ANKH: variants seen among roughly 807,000 people sequenced by gnomAD.
ANKH encodes the protein mineralization regulator ANKH.
In ANKH, 15 loss-of-function variants were observed where a neutral mutation model predicts 49.0. The ratio of observed to expected loss-of-function variants is 0.31; its 90% CI spans 0.20 to 0.47. The LOEUF is 0.47. ANKH is among the 20% of genes least tolerant of loss of function. The pLI is 1.00. For missense variants in ANKH, 429 were observed against 652.0 expected (o/e 0.66, Z 3.72); for synonymous variants, 273 against 260.0 (o/e 1.05, Z -0.48).
chr5:14,767,856 A>G (rs1270649515), intron 2 of ANKH, among the ~76,000 whole-genome samples: 1 of 152,212 alleles, frequency 6.6e-6, no homozygotes, highest in Non-Finnish European at 1.5e-5. Context: ...TTTACTTCAA[A>G]TACAAGTACA....
chr5:14,766,154 G>A (rs1406980360), intron 2 of ANKH, among the ~76,000 whole-genome samples: 1 of 152,098 alleles, frequency 6.6e-6, no homozygotes, highest in Non-Finnish European at 1.5e-5. Flanking sequence ...CACTTTGGGA[G>A]GCTCAGGTAG....
chr5:14,717,301 T>G (rs796988117), intron 8 of ANKH, among the ~76,000 whole-genome samples: 6 of 152,186 alleles, frequency 3.9e-5, no homozygotes, highest in African/African-American at 1.4e-4. Context: ...AAAAGGGAAA[T>G]ATTAGTATTT....
chr5:14,832,648 G>A (rs371424608), intron 1 of ANKH, among the ~76,000 whole-genome samples: 3 of 152,246 alleles, frequency 2.0e-5, no homozygotes, highest in South Asian at 4.1e-4. Context: ...TTCCAAGAAC[G>A]GATAAATTAA....
intron 1 of ANKH, among the ~76,000 whole-genome samples, chr5:14,784,579 C>A (rs1433597469): frequency 6.6e-6 from 1 of 152,178 alleles, no homozygotes; most frequent in South Asian, 2.1e-4. Context: ...GTTTGGGGAA[C>A]TGTAGTGCCC....
intron 8 of ANKH, among the ~76,000 whole-genome samples, chr5:14,740,584 C>T (rs1015853562): frequency 9.2e-5 from 14 of 152,224 alleles, no homozygotes; most frequent in African/African-American, 3.1e-4. Flanking sequence ...GCTGAGGACA[C>T]GAGGTCATGA....
At chr5:14,858,606 C>T (rs1307528666) in intron 1 of ANKH, among the ~76,000 whole-genome samples, 1 of 152,014 alleles carries the variant, frequency 6.6e-6, no homozygotes, top group East Asian at 1.9e-4. Context: ...GTCCCAGCTA[C>T]TCGGGAGGCT....
At chr5:14,753,171 T>C (rs761153879) in intron 4 of ANKH, among the ~76,000 whole-genome samples, 16 of 152,074 alleles carry the variant, frequency 1.1e-4, no homozygotes, top group Non-Finnish European at 2.2e-4. Flanking sequence ...TGTAGGTTTG[T>C]TGGCTGGAAG....
chr5:14,810,758 TTC>T (rs1298521152), intron 1 of ANKH, among the ~76,000 whole-genome samples: 5 of 152,180 alleles, frequency 3.3e-5, no homozygotes, highest in African/African-American at 1.2e-4. Context: ...AGGATGAACT[TTC>T]TGTTTCTATG....
intron 2 of ANKH, among the ~76,000 whole-genome samples, chr5:14,765,272 A>C (rs1739223166): frequency 6.6e-6 from 1 of 152,240 alleles, no homozygotes; most frequent in Admixed American, 6.5e-5. Flanking sequence ...AAATACTCCC[A>C]AGGCTTGTGC....
chr5:14,856,266 A>G (rs192739959), intron 1 of ANKH, among the ~76,000 whole-genome samples: 1 of 152,206 alleles, frequency 6.6e-6, no homozygotes, highest in East Asian at 1.9e-4. Flanking sequence ...GAGAGAAAAC[A>G]TAAAAATAAA....
At chr5:14,841,879 AG>A (rs1367142739) in intron 1 of ANKH, among the ~76,000 whole-genome samples, 1 of 152,156 alleles carries the variant, frequency 6.6e-6, no homozygotes, top group Non-Finnish European at 1.5e-5. Context: ...GTAGTCTTGA[AG>A]GGTGGTCTAT....
intron 2 of ANKH, among the ~76,000 whole-genome samples, chr5:14,767,572 C>T (rs4701618): frequency 0.24 from 36,600 of 151,804 alleles, 4,781 homozygotes; most frequent in East Asian, 0.5. Flanking sequence ...CATTTTCTTC[C>T]CGACAATTGC....
At chr5:14,805,460 TAC>T (rs1561063720) in intron 1 of ANKH, among the ~76,000 whole-genome samples, 1 of 64,622 alleles carries the variant, frequency 1.5e-5, no homozygotes, top group Admixed American at 1.8e-4. Flanking sequence ...TATATATATG[TAC>T]ACACACATAT....
In ANKH at chr5:14,713,673, G is replaced by A; in HGVS notation, c.1142-6C>T. Reference sequence around the variant, plus strand: ...GAGATGCGCCCTCACTGTGACTGTTGGGAGGAGCAAAGGACTCGTCAGCCG... The same window carrying A: ...GAGATGCGCCCTCACTGTGACTGTTAGGAGGAGCAAAGGACTCGTCAGCCG... On this transcript the variant is annotated splice_polypyrimidine_tract_variant and splice_region_variant and intron_variant, in intron 9 of 11. Transcript: ENST00000284268. This position sits in a 1 kb window ranked among gnomAD's most constrained non-coding sequence, Gnocchi z 4.4. The A allele has an allele frequency of 6.2e-7, 1 of 1,613,796 alleles. No individual in the cohort carries two copies. Among genetic ancestry groups the A allele is most frequent in the Non-Finnish European group, 8.5e-7 (1 of 1,179,982 alleles).
intron 1 of ANKH, among the ~76,000 whole-genome samples, chr5:14,865,689 T>C (rs1735624609): frequency 6.6e-6 from 1 of 152,212 alleles, no homozygotes; most frequent in African/African-American, 2.4e-5. Flanking sequence ...ACTGCATCTG[T>C]CCTTTTTATT....
chr5:14,748,952 G>A (rs1738625500), intron 6 of ANKH, among the ~76,000 whole-genome samples: 1 of 152,234 alleles, frequency 6.6e-6, no homozygotes, highest in African/African-American at 2.4e-5. Flanking sequence ...CAAGAAGGAT[G>A]TACGACATGC....
chr5:14,766,755 T>C (rs1005752352), intron 2 of ANKH, among the ~76,000 whole-genome samples: 10 of 152,250 alleles, frequency 6.6e-5, no homozygotes, highest in Admixed American at 5.2e-4. Context: ...ATACAAAGCT[T>C]CCTGTACTTA....
At chr5:14,817,432 A>G (rs559521823) in intron 1 of ANKH, among the ~76,000 whole-genome samples, 1 of 152,368 alleles carries the variant, frequency 6.6e-6, no homozygotes, top group Non-Finnish European at 1.5e-5. Flanking sequence ...AAGAAGGAAT[A>G]TAGGCATTTC....
At chr5:14,839,088 C>T (rs1401331489) in intron 1 of ANKH, among the ~76,000 whole-genome samples, 1 of 152,168 alleles carries the variant, frequency 6.6e-6, no homozygotes, top group African/African-American at 2.4e-5. Flanking sequence ...TTTTAGCAAG[C>T]TGAGCCTTGT....
Sources: gnomAD v4.1 joint callset for allele counts (sites outside exome capture counted in the v4.1 genomes callset) on GRCh38, gnomAD v4.1.1 for gene constraint, Gnocchi (gnomAD v3.1) non-coding constraint, MANE v1.5 for transcripts, NCBI Gene and HGNC (gene_info 2026-07-23, HGNC 2026-07-21) for gene names.